Variants in CTNNA2 observed in about 807,000 individuals in gnomAD.
CTNNA2 encodes the protein catenin alpha 2.
In CTNNA2, 42 loss-of-function variants were observed where a neutral mutation model predicts 101.0. That is an observed-to-expected ratio of 0.42 (90% CI 0.32 to 0.54). The LOEUF is 0.54. Ranked by LOEUF, CTNNA2 falls within the 20% of genes least tolerant of loss-of-function variation. CTNNA2 has a pLI of 0.14. For missense variants in CTNNA2, 871 were observed against 1,223.1 expected, an observed-to-expected ratio of 0.71 and a Z score of 4.29; for synonymous variants, 450 against 456.4, an observed-to-expected ratio of 0.99 and a Z score of 0.18.
intron 7 of CTNNA2, among the ~76,000 whole-genome samples, chr2:80,339,898 T>G (rs1054706767): frequency 4.6e-5 from 7 of 152,186 alleles, no homozygotes; most frequent in Non-Finnish European, 1.0e-4. Context: ...ACTCCTTTTG[T>G]GTGTCTTTGG....
At chr2:79,829,360 TACACACACACACACACACACACACACAC>T (rs55934940) in intron 3 of CTNNA2, among the ~76,000 whole-genome samples, 13 of 113,202 alleles carry the variant, frequency 1.1e-4, no homozygotes, top group East Asian at 3.3e-4. Context: ...CAACTAAAAC[TACACACACACACACACACACACACACAC>T]ACACACACAC....
intron 3 of CTNNA2, among the ~76,000 whole-genome samples, chr2:79,756,492 G>C (rs1008471047): frequency 2.0e-5 from 3 of 152,052 alleles, no homozygotes; most frequent in Admixed American, 2.0e-4. Context: ...ATATTAAACA[G>C]GGTGATGATT....
At chr2:80,341,257 G>C (rs1052945225) in intron 7 of CTNNA2, among the ~76,000 whole-genome samples, 1 of 152,016 alleles carries the variant, frequency 6.6e-6, no homozygotes, top group South Asian at 2.1e-4. Flanking sequence ...TGGGGATGAG[G>C]GGCTGAAATT....
intron 3 of CTNNA2, among the ~76,000 whole-genome samples, chr2:79,761,601 G>A (rs77127107): frequency 0.02 from 3,024 of 152,220 alleles, 93 homozygotes; most frequent in African/African-American, 0.069. Context: ...AAAGGAAGAA[G>A]CAGTTTGTTG....
chr2:79,654,703 A>G (rs2104493001), intron 2 of CTNNA2, among the ~76,000 whole-genome samples: 1 of 152,306 alleles, frequency 6.6e-6, no homozygotes, highest in South Asian at 2.1e-4. Flanking sequence ...GAATGTGGAC[A>G]TCTTTGTATG....
chr2:80,314,286 A>G (rs1677886699), intron 7 of CTNNA2, among the ~76,000 whole-genome samples: 1 of 152,246 alleles, frequency 6.6e-6, no homozygotes, highest in South Asian at 2.1e-4. Context: ...GATTAAAAGC[A>G]TTCAAATTCT....
At chr2:79,527,549 G>A (rs1179005676) in intron 1 of CTNNA2, among the ~76,000 whole-genome samples, 1 of 151,584 alleles carries the variant, frequency 6.6e-6, no homozygotes, top group Admixed American at 6.6e-5. Flanking sequence ...GGAGACTGAG[G>A]CAGGAGAATA....
chr2:79,363,826 C>G (rs1223155362), intron 3 of CTNNA2, among the ~76,000 whole-genome samples: 1 of 152,156 alleles, frequency 6.6e-6, no homozygotes, highest in Non-Finnish European at 1.5e-5. Context: ...CAACACCGTC[C>G]AAGAAGCAGT....
At chr2:80,253,151 C>T (rs1381624346) in intron 7 of CTNNA2, among the ~76,000 whole-genome samples, 1 of 152,108 alleles carries the variant, frequency 6.6e-6, no homozygotes, top group Non-Finnish European at 1.5e-5. Context: ...GTACACCAAA[C>T]TGGAAGTACA....
intron 2 of CTNNA2, among the ~76,000 whole-genome samples, chr2:79,259,864 T>G (rs1016265254): frequency 6.6e-6 from 1 of 152,190 alleles, no homozygotes; most frequent in African/African-American, 2.4e-5. Flanking sequence ...CCCCAGCCTA[T>G]GCAGATAGAT....
chr2:80,360,957 GT>G (rs1271508644), intron 7 of CTNNA2, among the ~76,000 whole-genome samples: 2 of 151,370 alleles, frequency 1.3e-5, no homozygotes, highest in Admixed American at 6.6e-5. Context: ...ATTATAGTGG[GT>G]TTTTTTTAAA....
intron 1 of CTNNA2, among the ~76,000 whole-genome samples, chr2:79,530,496 A>AT (rs113786939): frequency 0.23 from 34,172 of 150,632 alleles, 4,221 homozygotes; most frequent in Middle Eastern, 0.34. Flanking sequence ...TCACTGGTTG[A>AT]TTTTTTTTTT....
chr2:79,727,373 T>C (rs1686913931), intron 2 of CTNNA2, among the ~76,000 whole-genome samples: 1 of 152,124 alleles, frequency 6.6e-6, no homozygotes, highest in South Asian at 2.1e-4. Flanking sequence ...TCAGCAGGAC[T>C]CCCTGTAAAC....
At chr2:79,292,024 G>A (rs1675834359) in intron 2 of CTNNA2, among the ~76,000 whole-genome samples, 1 of 152,038 alleles carries the variant, frequency 6.6e-6, no homozygotes, top group Non-Finnish European at 1.5e-5. Context: ...CACCTGTGGG[G>A]GTGGTTGATT....
intron 1 of CTNNA2, among the ~76,000 whole-genome samples, chr2:79,514,283 C>T (rs191372231): frequency 6.6e-6 from 1 of 152,306 alleles, no homozygotes; most frequent in Non-Finnish European, 1.5e-5. Context: ...TGAGGTTATA[C>T]TCCACAGGCT....
At chr2:79,320,523 G>A (rs767285828) in intron 3 of CTNNA2, among the ~76,000 whole-genome samples, 18 of 152,042 alleles carry the variant, frequency 1.2e-4, no homozygotes, top group East Asian at 5.8e-4. Flanking sequence ...TTGCCATAAC[G>A]TAAAGCCCAG....
At chr2:80,057,016 G>C (rs535174689) in intron 7 of CTNNA2, among the ~76,000 whole-genome samples, 16 of 152,210 alleles carry the variant, frequency 1.1e-4, no homozygotes, top group South Asian at 1.0e-3. Flanking sequence ...TTCACTTTTG[G>C]AACGGGTGAA....
intron 3 of CTNNA2, among the ~76,000 whole-genome samples, chr2:79,330,689 T>C (rs1361999950): frequency 6.6e-6 from 1 of 152,170 alleles, no homozygotes; most frequent in African/African-American, 2.4e-5. Context: ...TGATAGTGAA[T>C]AACTAAGTCT....
At chr2:80,436,504 T>C (rs1359116400) in intron 9 of CTNNA2, among the ~76,000 whole-genome samples, 1 of 152,110 alleles carries the variant, frequency 6.6e-6, no homozygotes, top group Non-Finnish European at 1.5e-5. Flanking sequence ...TACATATATA[T>C]GTGGGAATCT....
Sources: allele counts gnomAD v4.1 joint callset (sites outside exome capture counted in the v4.1 genomes callset), GRCh38; gene constraint gnomAD v4.1.1; transcripts MANE v1.5; gene names NCBI Gene and HGNC (gene_info 2026-07-23, HGNC 2026-07-21).